The following ALDH3A2 variants were observed in gnomAD, a reference collection of about 807,000 sequenced individuals.
ALDH3A2 encodes the protein aldehyde dehydrogenase family 3 member A2.
ALDH3A2 carries 36 observed loss-of-function variants against 51.3 expected under a neutral mutation model. The ratio of observed to expected loss-of-function variants is 0.70; its 90% CI spans 0.54 to 0.93. The LOEUF (loss-of-function observed/expected upper bound fraction) is 0.93, where lower values mean the gene tolerates loss of function less well. Ranked by LOEUF, ALDH3A2 falls within the 40% of genes least tolerant of loss-of-function variation. The probability of loss-of-function intolerance (pLI) is 0.00; values close to 1 mark genes in which losing one functional copy is unlikely to be tolerated. For missense variants in ALDH3A2, 552 were observed against 603.1 expected (o/e 0.92, Z 0.89); for synonymous variants, 199 against 219.8 (o/e 0.91, Z 0.84).
intron 5 of ALDH3A2, among the ~76,000 whole-genome samples, chr17:19,660,721 T>C (rs115324545): frequency 0.013 from 1,956 of 152,326 alleles, 40 homozygotes; most frequent in African/African-American, 0.044. Context: ...TTAGGGTCTC[T>C]GCTGTAACTA....
At position 19,675,867 on chromosome 17, in the gene ALDH3A2, G is replaced by C. The variant is rs772808746; in HGVS notation, c.*295G>C. ...TAGACTAAATACAAACTGCGGGGTTGTAAGGGAGTCTCAGAACCTCACTGA... is the reference window on the plus strand; with the variant it reads ...TAGACTAAATACAAACTGCGGGGTTCTAAGGGAGTCTCAGAACCTCACTGA... On this transcript the variant is annotated 3_prime_UTR_variant, in exon 10 of 10. Transcript: ENST00000176643. 2.5e-5 allele frequency: 11 copies of C among 437,638 alleles called. No homozygotes were observed. Among genetic ancestry groups the C allele is most frequent in the Non-Finnish European group, 4.2e-5 (10 of 237,558 alleles). The allele number at this position is 437,638 out of a possible 1,614,324, so 27.1% of individuals were successfully genotyped here.
chr17:19,649,271 A>G, intron 1 of ALDH3A2, 147 bp downstream of exon 1: 2 of 1,136,250 alleles, frequency 1.8e-6, no homozygotes, highest in Non-Finnish European at 1.2e-6. Context: ...GATAAAGCCA[A>G]AGTTCCCGCA....
At chr17:19,657,027 CT>C (rs1953101816) in intron 4 of ALDH3A2, among the ~76,000 whole-genome samples, 2 of 152,176 alleles carry the variant, frequency 1.3e-5, no homozygotes, top group Admixed American at 1.3e-4. Context: ...CATCTTGCAT[CT>C]GAAAATTAGA....
At chr17:19,667,997 C>A (rs891037569) in intron 8 of ALDH3A2, among the ~76,000 whole-genome samples, 5 of 152,042 alleles carry the variant, frequency 3.3e-5, no homozygotes, top group Non-Finnish European at 7.4e-5. Flanking sequence ...TGGATTATTC[C>A]ATTATTAAAT....
intron 6 of ALDH3A2, 47 bp downstream of exon 6, chr17:19,661,315 T>G (rs759888609): frequency 1.2e-6 from 2 of 1,611,042 alleles, no homozygotes; most frequent in Non-Finnish European, 1.7e-6. Context: ...AATTTGGCAG[T>G]TTTTGCTGAC....
intron 5 of ALDH3A2, among the ~76,000 whole-genome samples, chr17:19,660,238 C>T (rs1319119378): frequency 1.3e-5 from 2 of 152,020 alleles, no homozygotes; most frequent in Admixed American, 1.3e-4. Context: ...GTTTGCAAGC[C>T]TTACCCTCCA....
rs899176245 is a variant in ALDH3A2 at position 19,654,514 on chromosome 17, G to T, written c.472-1852G>T. ...ATTCGAGTGTGGCGCTGGTGGGCTG[G>T]CATTGCTGGGGGACCCGGGGCACCC... On this transcript the variant is annotated intron_variant, in intron 3 of 9. Transcript: ENST00000176643. The surrounding 1 kb of genome is among the most constrained non-coding windows in gnomAD (Gnocchi z 4.5). 2.6e-5 allele frequency among the ~76,000 whole-genome samples: 4 copies of T among 152,194 alleles called. No individual in the cohort carries two copies. Among genetic ancestry groups the T allele is most frequent in the Non-Finnish European group, 4.4e-5 (3 of 68,014 alleles).
chr17:19,648,773 C>G lies in ALDH3A2; in HGVS notation c.-199C>G, dbSNP rs968635154. The G allele has an allele frequency of 7.1e-6, 5 of 701,586 alleles. No homozygotes were observed. Among genetic ancestry groups the G allele is most frequent in the Non-Finnish European group, 1.2e-5 (5 of 424,810 alleles). 43.5% of individuals were successfully genotyped at this position (701,586 alleles called of 1,614,324 possible). ...CTCAGTCCTCCCCCGGCGCCTCCGA[C>G]TGGCAGTGGGACTCAGCGGGCGTGG... On this transcript the variant is annotated 5_prime_UTR_variant, in exon 1 of 10. Coordinates refer to ENST00000176643, the MANE Select transcript of ALDH3A2 (RefSeq NM_000382.3).
chr17:19,663,696 C>T (rs1054035125), intron 7 of ALDH3A2, among the ~76,000 whole-genome samples, 197 bp downstream of exon 7: 5 of 152,236 alleles, frequency 3.3e-5, no homozygotes, highest in Non-Finnish European at 5.9e-5. Context: ...ATCACAGCAT[C>T]CATTCCCCTC....
intron 9 of ALDH3A2, 62 bp downstream of exon 9, chr17:19,672,018 C>T: frequency 1.4e-6 from 2 of 1,382,750 alleles, no homozygotes; most frequent in South Asian, 2.3e-5. Flanking sequence ...CTGCCAGATG[C>T]ATATTCTAGC....
At chr17:19,657,455 T>C (rs191188717) in intron 4 of ALDH3A2, among the ~76,000 whole-genome samples, 1 of 152,368 alleles carries the variant, frequency 6.6e-6, no homozygotes, top group Non-Finnish European at 1.5e-5. Flanking sequence ...GGGAGGCTGT[T>C]TCTCCTCTTT....
intron 5 of ALDH3A2, among the ~76,000 whole-genome samples, chr17:19,660,374 A>G (rs1450904368): frequency 6.6e-6 from 1 of 152,110 alleles, no homozygotes; most frequent in Non-Finnish European, 1.5e-5. Context: ...AGTGATTCCG[A>G]CCACCCAGAC....
In ALDH3A2 at chr17:19,649,100, G is replaced by T; in HGVS notation, c.129G>T (p.Thr43=). 1 of 1,577,834 alleles carries T rather than the reference G, an allele frequency of 6.3e-7. No homozygotes were observed. Among genetic ancestry groups the T allele is most frequent in the Non-Finnish European group, 8.6e-7 (1 of 1,162,250 alleles). ...MVQEREKDIL[T]AIAADLCKSE... ...AGGAGCGCGAGAAGGATATCCTGAC[G>T]GCCATCGCCGCCGACCTGTGCAAGG... is the stretch of plus-strand genomic sequence containing the variant. The change falls in exon 1 of 10, where the codon ACG becomes ACT. Residue 43 remains threonine (T), a synonymous_variant. Coordinates refer to ENST00000176643, the MANE Select transcript of ALDH3A2 (RefSeq NM_000382.3).
intron 3 of ALDH3A2, among the ~76,000 whole-genome samples, chr17:19,653,163 G>T (rs894153715): frequency 6.6e-6 from 1 of 151,486 alleles, no homozygotes; most frequent in Non-Finnish European, 1.5e-5. Context: ...TTCTGCCTCA[G>T]CCTCCCAAGT....
In ALDH3A2 at chr17:19,656,355, C is replaced by G. The variant is rs772618115; in HGVS notation, c.472-11C>G. 2 of 1,610,326 alleles carry G rather than the reference C, an allele frequency of 1.2e-6. No individual in the cohort carries two copies. Among genetic ancestry groups the G allele is most frequent in the Middle Eastern group, 1.7e-4 (1 of 6,048 alleles). On this transcript the variant is annotated splice_polypyrimidine_tract_variant and intron_variant, in intron 3 of 9. Coordinates refer to ENST00000176643, the MANE Select transcript of ALDH3A2 (RefSeq NM_000382.3). ...TGGCAGTGCAAGAGTTTGTGTTTCT[C>G]TTTCTTTGAGGATCTCTATATTGTT...
chr17:19,672,080 C>T, intron 9 of ALDH3A2, 124 bp downstream of exon 9: 1 of 940,286 alleles, frequency 1.1e-6, no homozygotes, highest in South Asian at 1.3e-5. Flanking sequence ...GAACCACAGC[C>T]TGCTGGCCAG....
At chr17:19,650,674 C>T (rs532120742) in intron 1 of ALDH3A2, among the ~76,000 whole-genome samples, 2 of 151,824 alleles carry the variant, frequency 1.3e-5, no homozygotes, top group South Asian at 2.1e-4. Context: ...AGGATGGTCT[C>T]CATCTCCTGA....
intron 3 of ALDH3A2, chr17:19,656,151 G>A (rs1025249328): frequency 1.7e-6 from 1 of 585,366 alleles, no homozygotes; most frequent in East Asian, 3.0e-5. Context: ...GGAGTCTCCA[G>A]ATTAGTTCTA....
chr17:19,673,689 C>T (rs1346912424), intron 9 of ALDH3A2, among the ~76,000 whole-genome samples: 1 of 151,880 alleles, frequency 6.6e-6, no homozygotes, highest in Non-Finnish European at 1.5e-5. Flanking sequence ...CTGCACTCCA[C>T]CCTGGGTGAC....
Sources: allele counts gnomAD v4.1 joint callset (sites outside exome capture counted in the v4.1 genomes callset), GRCh38; gene constraint gnomAD v4.1.1; non-coding constraint Gnocchi (gnomAD v3.1); transcripts MANE v1.5; gene names NCBI Gene and HGNC (gene_info 2026-07-23, HGNC 2026-07-21).